ELAVL4: variants seen among roughly 807,000 people sequenced by gnomAD.
The protein encoded by ELAVL4 is ELAV-like protein 4.
In ELAVL4, 1 loss-of-function variant was observed where a neutral mutation model predicts 35.6. The ratio of observed to expected loss-of-function variants is 0.03; its 90% CI spans 0.01 to 0.13. The LOEUF (loss-of-function observed/expected upper bound fraction) is 0.13, where lower values mean the gene tolerates loss of function less well. Ranked by LOEUF, ELAVL4 falls within the 10% of genes least tolerant of loss-of-function variation. The pLI is 1.00. For missense variants in ELAVL4, 267 were observed against 464.9 expected, an observed-to-expected ratio of 0.57 and a Z score of 3.91; for synonymous variants, 156 against 171.0, an observed-to-expected ratio of 0.91 and a Z score of 0.69.
intron 1 of ELAVL4, among the ~76,000 whole-genome samples, chr1:50,066,107 T>TA (rs1477750364): frequency 1.3e-5 from 2 of 152,152 alleles, no homozygotes; most frequent in Non-Finnish European, 2.9e-5. Context: ...AGGGCATAGT[T>TA]ATAGGTAAAG....
At chr1:50,133,353 C>T (rs1036419025) in intron 1 of ELAVL4, among the ~76,000 whole-genome samples, 8 of 152,024 alleles carry the variant, frequency 5.3e-5, no homozygotes, top group Non-Finnish European at 1.0e-4. Context: ...ATGTTGCCCA[C>T]AAATAATTCA....
chr1:50,202,193 C>A lies in ELAVL4; in HGVS notation c.*1015C>A, dbSNP rs1452666073. Reference sequence around the variant, plus strand: ...GGAGTGTTCGTTCTACCCAGGGTACCACAGTTCCCCACAGTCAAAACCCAA... The same window carrying A: ...GGAGTGTTCGTTCTACCCAGGGTACAACAGTTCCCCACAGTCAAAACCCAA... On this transcript the variant is annotated 3_prime_UTR_variant, in exon 7 of 7. Transcript: ENST00000371824. 6.6e-6 allele frequency: 1 copy of A among 152,028 alleles called. No homozygotes were observed. Among genetic ancestry groups the A allele is most frequent in the Non-Finnish European group, 1.5e-5 (1 of 67,992 alleles). The allele number at this position is 152,028 out of a possible 1,614,324, so 9.4% of individuals were successfully genotyped here.
intron 1 of ELAVL4, among the ~76,000 whole-genome samples, chr1:50,078,981 A>G (rs548987123): frequency 3.3e-4 from 50 of 152,214 alleles, no homozygotes; most frequent in South Asian, 8.3e-4. Context: ...TCCATTAAAT[A>G]CCATCTGCTG....
chr1:50,091,608 T>C (rs1665498854), intron 1 of ELAVL4, among the ~76,000 whole-genome samples: 1 of 152,188 alleles, frequency 6.6e-6, no homozygotes. Flanking sequence ...TTGTCACCTA[T>C]TGTTCCGTAA....
exon 1 of ELAVL4, chr1:50,048,106 C>A: frequency 6.8e-7 from 1 of 1,460,490 alleles, no homozygotes; most frequent in Non-Finnish European, 9.0e-7. Context: ...TCTTCCCGCC[C>A]GCCGCGCTCC....
chr1:50,048,882 C>T (rs553601778), intron 1 of ELAVL4, among the ~76,000 whole-genome samples: 42 of 152,298 alleles, frequency 2.8e-4, no homozygotes, highest in South Asian at 8.3e-4. Context: ...TAATTGTTGT[C>T]TCTCTTTGGG....
chr1:50,159,522 T>A (rs1676387291), intron 2 of ELAVL4, among the ~76,000 whole-genome samples: 1 of 151,758 alleles, frequency 6.6e-6, no homozygotes, highest in Non-Finnish European at 1.5e-5. Context: ...GGCACGAGAA[T>A]CACTTGAACC....
At chr1:50,106,443 T>A, upstream of ELAVL4, 1 of 1,480,920 alleles carries the variant, frequency 6.8e-7, no homozygotes, top group Non-Finnish European at 9.4e-7. Context: ...GGGATATCAT[T>A]TTTAGGTTGC....
rs181824452 is a variant in ELAVL4 at position 50,132,082 on chromosome 1, A to T, written c.10-12875A>T. Among the ~76,000 whole-genome samples, 3 of 152,206 alleles carry T rather than the reference A, an allele frequency of 2.0e-5. No individual in the cohort carries two copies. The East Asian group carries it at 5.8e-4, about 29-fold the overall frequency. On this transcript the variant is annotated intron_variant, in intron 1 of 6. Coordinates refer to ENST00000371824, the MANE Select transcript of ELAVL4 (RefSeq NM_001144774.3). Reference sequence around the variant, plus strand: ...AGACGTAAGTATTCCGATACTTGTGATTTCTGGATTTTGTTTGTTTTTTTC... The same window carrying T: ...AGACGTAAGTATTCCGATACTTGTGTTTTCTGGATTTTGTTTGTTTTTTTC...
chr1:50,201,349 G>A lies in ELAVL4; in HGVS notation c.*171G>A. ...AAGTATTAAAACATTGGATTATCCTGAGGTGTACCAGGAAAGGATTTTATA... is the reference window on the plus strand; with the variant it reads ...AAGTATTAAAACATTGGATTATCCTAAGGTGTACCAGGAAAGGATTTTATA... On this transcript the variant is annotated 3_prime_UTR_variant, in exon 7 of 7. Coordinates refer to ENST00000371824, the MANE Select transcript of ELAVL4 (RefSeq NM_001144774.3). This position sits in a 1 kb window ranked among gnomAD's most constrained non-coding sequence, Gnocchi z 4.3. The A allele has an allele frequency of 3.1e-6, 2 of 646,618 alleles. No homozygotes were observed. The highest frequency in any genetic ancestry group is 5.1e-4 in the Middle Eastern group (1 of 1,970). 40.1% of individuals were successfully genotyped at this position (646,618 alleles called of 1,614,324 possible).
chr1:50,190,561 A>G (rs1186334917), intron 3 of ELAVL4, among the ~76,000 whole-genome samples: 2 of 152,230 alleles, frequency 1.3e-5, no homozygotes, highest in Admixed American at 1.3e-4. Flanking sequence ...GACTTGGTAG[A>G]GAATGATTGA....
At chr1:50,143,436 G>A (rs1673157245) in intron 1 of ELAVL4, among the ~76,000 whole-genome samples, 1 of 152,100 alleles carries the variant, frequency 6.6e-6, no homozygotes, top group Non-Finnish European at 1.5e-5. Context: ...AAGTCACATT[G>A]GATGATTGGC....
chr1:50,136,694 A>G (rs986463883), intron 1 of ELAVL4, among the ~76,000 whole-genome samples: 1 of 152,170 alleles, frequency 6.6e-6, no homozygotes, highest in Non-Finnish European at 1.5e-5. Flanking sequence ...TTCTGGGAAT[A>G]CTGACTTTTA....
chr1:50,092,282 C>T (rs765977798), intron 1 of ELAVL4, among the ~76,000 whole-genome samples: 1 of 152,166 alleles, frequency 6.6e-6, no homozygotes, highest in Non-Finnish European at 1.5e-5. Flanking sequence ...ACAAAGGTGA[C>T]ATTTGAGCTG....
intron 3 of ELAVL4, chr1:50,180,921 T>C (rs1680922465): frequency 6.6e-6 from 1 of 152,218 alleles, no homozygotes; most frequent in African/African-American, 2.4e-5. Flanking sequence ...CCAATACTAT[T>C]ATAACCCTTT....
Position 50,200,971 on chromosome 1 carries a change from C to T in ELAVL4, c.894C>T (p.Val298=). 1 of 1,614,066 alleles carries T rather than the reference C, an allele frequency of 6.2e-7. No homozygotes were observed. The highest frequency in any genetic ancestry group is 8.5e-7 in the Non-Finnish European group (1 of 1,179,982). ...YNLSPDSDES[V]LWQLFGPFGA... is the part of the protein sequence containing the mutation. ...TGTCCCCCGATTCCGATGAGAGTGTCCTCTGGCAGCTCTTTGGCCCCTTTG... is the reference window on the plus strand; with the variant it reads ...TGTCCCCCGATTCCGATGAGAGTGTTCTCTGGCAGCTCTTTGGCCCCTTTG... Residue 298 remains valine (V), a synonymous_variant, in exon 7 of 7, where the codon GTC becomes GTT. Transcript: ENST00000371824.
At chr1:50,199,137 G>A (rs1398936073) in intron 6 of ELAVL4, among the ~76,000 whole-genome samples, 1 of 152,194 alleles carries the variant, frequency 6.6e-6, no homozygotes, top group Non-Finnish European at 1.5e-5. Flanking sequence ...TTTTAAACAA[G>A]AGGGAAGATT....
At chr1:50,118,110 G>T (rs1380793657) in intron 1 of ELAVL4, among the ~76,000 whole-genome samples, 2 of 152,084 alleles carry the variant, frequency 1.3e-5, no homozygotes, top group Non-Finnish European at 1.5e-5. Flanking sequence ...AATAAAAATA[G>T]GCTGAGCTTA....
At chr1:50,052,039 C>T (rs1411896319) in intron 1 of ELAVL4, among the ~76,000 whole-genome samples, 2 of 152,156 alleles carry the variant, frequency 1.3e-5, no homozygotes, top group Admixed American at 1.3e-4. Context: ...ACATGACCTC[C>T]TTTTACCTTA....
Sources: gnomAD v4.1 joint callset for allele counts (sites outside exome capture counted in the v4.1 genomes callset) on GRCh38, gnomAD v4.1.1 for gene constraint, Gnocchi (gnomAD v3.1) non-coding constraint, MANE v1.5 for transcripts, NCBI Gene and HGNC (gene_info 2026-07-23, HGNC 2026-07-21) for gene names.